CIROZ: variants seen among roughly 807,000 people sequenced by gnomAD.
The protein encoded by CIROZ is ciliated left-right organizer protein containing ZP-N domains, also known as ciliated left-right organizer ZP-N domains-containing protein.
At chr1:10,956,562 G>A in the CIROZ span, among the ~76,000 whole-genome samples, 3 of 150,122 alleles carry the variant, frequency 2.0e-5, no homozygotes, top group Non-Finnish European at 4.4e-5. Flanking sequence ...TGCAAGCTCC[G>A]CCTCCCAGGT....
chr1:10,947,561 C>T, the CIROZ span: 1 of 1,035,872 alleles, frequency 9.7e-7, no homozygotes, highest in Non-Finnish European at 1.3e-6. Flanking sequence ...GAAAGACGGC[C>T]CCCAGCCCCC....
At chr1:10,980,052 AAAAG>A in the CIROZ span, among the ~76,000 whole-genome samples, 4 of 152,348 alleles carry the variant, frequency 2.6e-5, no homozygotes, top group East Asian at 1.9e-4. Flanking sequence ...CGTCTCAAAA[AAAAG>A]AAAGAAAGAA....
chr1:10,971,550 T>C, the CIROZ span, among the ~76,000 whole-genome samples: 16,853 of 151,944 alleles, frequency 0.11, 1,815 homozygotes, highest in African/African-American at 0.26. Context: ...CTAGCTCTTC[T>C]TCATCTGCAG....
At chr1:10,967,940 C>T in the CIROZ span, among the ~76,000 whole-genome samples, 2 of 152,218 alleles carry the variant, frequency 1.3e-5, no homozygotes, top group Non-Finnish European at 2.9e-5. Flanking sequence ...CGCCACTGCA[C>T]TCCAGCCTGG....
the CIROZ span, among the ~76,000 whole-genome samples, chr1:10,977,170 G>T: frequency 6.6e-6 from 1 of 151,974 alleles, no homozygotes; most frequent in African/African-American, 2.4e-5. Context: ...TGGGATTACA[G>T]GTGTGAGCCA....
chr1:10,960,404 T>A, the CIROZ span, among the ~76,000 whole-genome samples: 5,098 of 151,798 alleles, frequency 0.034, 272 homozygotes, highest in African/African-American at 0.12. The surrounding 1 kb of genome is among the most constrained non-coding windows in gnomAD (Gnocchi z 4.6). Context: ...AGTGAGACTC[T>A]GTCTCCAAGA....
the CIROZ span, among the ~76,000 whole-genome samples, chr1:10,961,742 G>A: frequency 1.3e-5 from 2 of 151,336 alleles, no homozygotes; most frequent in Admixed American, 6.6e-5. Flanking sequence ...TCAGGAGTTC[G>A]AGACTAGCCT....
the CIROZ span, chr1:10,948,576 G>A: frequency 7.2e-5 from 117 of 1,614,186 alleles, no homozygotes; most frequent in African/African-American, 2.1e-4. Context: ...CGGGGCTGGC[G>A]GTGAAGGAGA....
the CIROZ span, among the ~76,000 whole-genome samples, chr1:10,971,971 A>G: frequency 6.6e-6 from 1 of 152,332 alleles, no homozygotes; most frequent in African/African-American, 2.4e-5. Flanking sequence ...CACATAAACT[A>G]CAAGCTCCAG....
the CIROZ span, chr1:10,948,571 C>T: frequency 6.2e-7 from 1 of 1,614,198 alleles, no homozygotes; most frequent in East Asian, 2.2e-5. Context: ...GGCCTCGGGG[C>T]TGGCGGTGAA....
At chr1:10,957,115 G>T in the CIROZ span, 3 of 1,547,790 alleles carry the variant, frequency 1.9e-6, no homozygotes, top group Non-Finnish European at 2.6e-6. Flanking sequence ...CACCTGGGGA[G>T]GAAGGGGGGT....
At chr1:10,978,014 C>T in the CIROZ span, among the ~76,000 whole-genome samples, 1 of 151,638 alleles carries the variant, frequency 6.6e-6, no homozygotes, top group Non-Finnish European at 1.5e-5. Context: ...ACTAAAAATA[C>T]AAAAATTAGC....
chr1:10,976,166 T>C, the CIROZ span: 3 of 1,536,854 alleles, frequency 2.0e-6, no homozygotes, highest in South Asian at 2.4e-5. Flanking sequence ...CTGTTAAAAC[T>C]TCTGCTGCAG....
the CIROZ span, chr1:10,957,854 AG>A: frequency 7.4e-7 from 1 of 1,348,754 alleles, no homozygotes; most frequent in Admixed American, 2.1e-5. Flanking sequence ...GGAAGGCAAC[AG>A]GGTCACGGGG....
chr1:10,957,124 G>T, the CIROZ span: 8 of 1,546,120 alleles, frequency 5.2e-6, no homozygotes, highest in African/African-American at 2.7e-5. Context: ...AGGAAGGGGG[G>T]TCCCCCCTGA....
the CIROZ span, among the ~76,000 whole-genome samples, chr1:10,972,455 ACACACACACACT>A: frequency 6.6e-6 from 1 of 151,324 alleles, no homozygotes; most frequent in African/African-American, 2.4e-5. Flanking sequence ...ACACACACAC[ACACACACACACT>A]CTAGAATTAT....
the CIROZ span, chr1:10,966,532 T>C: frequency 2.0e-6 from 3 of 1,476,810 alleles, no homozygotes; most frequent in Non-Finnish European, 1.8e-6. Context: ...GGAGGTGGCT[T>C]CTCTGGCAGG....
At chr1:10,976,397 G>A in the CIROZ span, 46 of 613,780 alleles carry the variant, frequency 7.5e-5, no homozygotes, top group Admixed American at 6.8e-4. Flanking sequence ...GTGCAGTGGC[G>A]CGATCTAAGC....
chr1:10,948,103 T>C, the CIROZ span: 14 of 1,613,448 alleles, frequency 8.7e-6, no homozygotes, highest in African/African-American at 8.0e-5. Flanking sequence ...AGCCAGGCAC[T>C]GGGGTCTGGC....
Sources: allele counts gnomAD v4.1 joint callset (sites outside exome capture counted in the v4.1 genomes callset), GRCh38; gene constraint gnomAD v4.1.1; non-coding constraint Gnocchi (gnomAD v3.1); transcripts MANE v1.5; gene names NCBI Gene and HGNC (gene_info 2026-07-23, HGNC 2026-07-21).